The following GFI1 variants were observed in gnomAD, a reference collection of about 807,000 sequenced individuals.
The protein encoded by GFI1 is zinc finger protein Gfi-1.
In GFI1, 15 loss-of-function variants were observed where a neutral mutation model predicts 39.2. The ratio of observed to expected loss-of-function variants is 0.38; its 90% CI spans 0.26 to 0.59. GFI1 has a LOEUF of 0.59. GFI1 is among the 20% of genes least tolerant of loss of function. GFI1 has a pLI of 0.62. For synonymous variants in GFI1, 239 were observed against 254.3 expected (o/e 0.94, Z 0.57); for missense variants, 475 against 574.0 (o/e 0.83, Z 1.76).
At position 92,483,170 on chromosome 1, in the gene GFI1, C is replaced by T. The variant is rs973722626; in HGVS notation, c.116-124G>A. The T allele has an allele frequency of 1.5e-4, 142 of 950,832 alleles. 2 individuals are homozygous for T. In the Admixed American group the frequency reaches 3.6e-3, roughly 24 times the overall value. The allele number at this position is 950,832 out of a possible 1,614,324, so 58.9% of individuals were successfully genotyped here. ...TTCCCCTCTCCACCCAGACCCCGGC[C>T]GGGAACCCTCTCGGATCCGAGGGCA... On this transcript the variant is annotated intron_variant, in intron 2 of 6. Transcript: ENST00000294702.
At chr1:92,478,470 C>A in intron 6 of GFI1, 118 bp downstream of exon 6, 1 of 865,708 alleles carries the variant, frequency 1.2e-6, no homozygotes, top group South Asian at 1.4e-5. Context: ...TAACACAGAG[C>A]AGAGAATAAC....
At position 92,484,148 on chromosome 1, in the gene GFI1, G is replaced by A. The variant is rs932457490; in HGVS notation, c.-99-562C>T. 1.3e-5 allele frequency among the ~76,000 whole-genome samples: 2 copies of A among 152,220 alleles called. No homozygotes were observed. The highest frequency in any genetic ancestry group is 2.4e-5 in the African/African-American group (1 of 41,448). ...AACAGAACACAAGATAAAACTGTGG[G>A]GCGGCGGGAGGACAGCAGCAGAGGG... is the stretch of plus-strand genomic sequence containing the variant. On this transcript the variant is annotated intron_variant, in intron 1 of 6. Coordinates refer to ENST00000294702, the MANE Select transcript of GFI1 (RefSeq NM_005263.5). This position sits in a 1 kb window ranked among gnomAD's most constrained non-coding sequence, Gnocchi z 4.1.
chr1:92,478,820 A>G, intron 5 of GFI1, 67 bp from the exon 6 acceptor site: 1 of 1,579,434 alleles, frequency 6.3e-7, no homozygotes. Flanking sequence ...GCAGTCAACT[A>G]GACTGCTGCT....
Position 92,473,737 on chromosome 1 carries a change from C to A in GFI1, c.*2292G>T, listed in dbSNP as rs1657828656. On this transcript the variant is annotated 3_prime_UTR_variant, in exon 7 of 7. Coordinates refer to ENST00000294702, the MANE Select transcript of GFI1 (RefSeq NM_005263.5). ...TCAAGCAATCTCTCTTCCCTTTGTG[C>A]TGTAGAGAGCAGAGCCAGGCCCTAG... 1.3e-5 allele frequency among the ~76,000 whole-genome samples: 2 copies of A among 152,120 alleles called. No individual in the cohort carries two copies. Among genetic ancestry groups the A allele is most frequent in the Admixed American group, 1.3e-4 (2 of 15,280 alleles).
rs540256601 is a variant in GFI1 at position 92,481,318 on chromosome 1, C to A, written c.299-230G>T. On this transcript the variant is annotated intron_variant, in intron 3 of 6. Coordinates refer to ENST00000294702, the MANE Select transcript of GFI1 (RefSeq NM_005263.5). The surrounding 1 kb of genome is among the most constrained non-coding windows in gnomAD (Gnocchi z 4.3). ...AGTAAACAGATCATTGAAAAGACCTCGGGAGAGGAGGTCGTAAATTCTGTG... is the reference window on the plus strand; with the variant it reads ...AGTAAACAGATCATTGAAAAGACCTAGGGAGAGGAGGTCGTAAATTCTGTG... 6.6e-6 allele frequency among the ~76,000 whole-genome samples: 1 copy of A among 152,318 alleles called. No homozygotes were observed. The highest frequency in any genetic ancestry group is 2.4e-5 in the African/African-American group (1 of 41,576).
At position 92,482,564 on chromosome 1, in the gene GFI1, C is replaced by A. The variant is rs939000088; in HGVS notation, c.298+300G>T. 1.3e-5 allele frequency among the ~76,000 whole-genome samples: 2 copies of A among 152,176 alleles called. No individual in the cohort carries two copies. The highest frequency in any genetic ancestry group is 6.5e-5 in the Admixed American group (1 of 15,284). On this transcript the variant is annotated intron_variant, in intron 3 of 6. Transcript: ENST00000294702. This position sits in a 1 kb window ranked among gnomAD's most constrained non-coding sequence, Gnocchi z 4.4. ...GTCTGGTCAGAAAATGAAAGGTCAGCGTTGCCGCCAGTCGAAACGACTGGT... is the reference window on the plus strand; with the variant it reads ...GTCTGGTCAGAAAATGAAAGGTCAGAGTTGCCGCCAGTCGAAACGACTGGT...
intron 6 of GFI1, among the ~76,000 whole-genome samples, chr1:92,477,417 C>G (rs1487279044): frequency 3.9e-5 from 6 of 152,088 alleles, no homozygotes; most frequent in African/African-American, 1.4e-4. Flanking sequence ...ATACATTACC[C>G]AAGTATATTT....
In GFI1 at chr1:92,480,311, G is replaced by A. The variant is rs1388979752; in HGVS notation, c.924+37C>T. The A allele has an allele frequency of 1.3e-6, 2 of 1,539,970 alleles. No homozygotes were observed. The highest frequency in any genetic ancestry group is 2.4e-5 in the East Asian group (1 of 40,860). ...CACCGAGGAGATGCAGAAGATCCCC[G>A]AGCAGGGCCGCGCGCGGCGGTGCGC... On this transcript the variant is annotated intron_variant, in intron 5 of 6. Transcript: ENST00000294702. The surrounding 1 kb of genome is among the most constrained non-coding windows in gnomAD (Gnocchi z 5.6).
At chr1:92,485,692 G>A (rs1658496908) in intron 1 of GFI1, among the ~76,000 whole-genome samples, 1 of 152,010 alleles carries the variant, frequency 6.6e-6, no homozygotes, top group Admixed American at 6.5e-5. Flanking sequence ...AGGAAGGAGG[G>A]AGCCGAGGGC....
rs1398655204 is a variant in GFI1 at position 92,473,330 on chromosome 1, A to C, written c.*2699T>G. 6.6e-6 allele frequency among the ~76,000 whole-genome samples: 1 copy of C among 152,170 alleles called. No homozygotes were observed. Among genetic ancestry groups the C allele is most frequent in the Admixed American group, 6.5e-5 (1 of 15,284 alleles). ...ACCTAGATTTCAATCAGTTCTACTT[A>C]CCCCTCAGTGCAACTTCTTTACTTT... On this transcript the variant is annotated 3_prime_UTR_variant, in exon 7 of 7. Coordinates refer to ENST00000294702, the MANE Select transcript of GFI1 (RefSeq NM_005263.5).
chr1:92,480,603 T>G lies in GFI1; in HGVS notation c.784A>C (p.Lys262Gln). The G allele has an allele frequency of 1.3e-6, 2 of 1,553,702 alleles. No homozygotes were observed. Among genetic ancestry groups the G allele is most frequent in the Non-Finnish European group, 1.7e-6 (2 of 1,154,232 alleles). The part of the protein sequence containing the change: ...GGSYKCIKCS[K>Q]VFSTPHGLEV... ...GGTGGTGAGCTCGGGAGCCTCACCT[T>G]GCTGCACTTGATGCACTTGTAGGAG... is the stretch of plus-strand genomic sequence containing the variant. Residue 262 changes from lysine to glutamine, a missense_variant and splice_region_variant, in exon 4 of 7, where the codon AAG (lysine) becomes CAG (glutamine). By Grantham distance (53) the Lys-to-Gln change is moderately conservative. Coordinates refer to ENST00000294702, the MANE Select transcript of GFI1 (RefSeq NM_005263.5). The surrounding 1 kb of genome is among the most constrained non-coding windows in gnomAD (Gnocchi z 5.6).
rs1657826702 is a variant in GFI1 at position 92,473,672 on chromosome 1, G to GACACAAC, written c.*2356_*2357insGTTGTGT. ...TCAAGCCCCCCTTTCCTGCCAACCT[G>GACACAAC]GAGAGAAAGTCGTGTGGATTCTATT... On this transcript the variant is annotated 3_prime_UTR_variant, in exon 7 of 7. Coordinates refer to ENST00000294702, the MANE Select transcript of GFI1 (RefSeq NM_005263.5). Among the ~76,000 whole-genome samples, 1 of 152,144 alleles carries GACACAAC rather than the reference G, an allele frequency of 6.6e-6. No homozygotes were observed. Among genetic ancestry groups the GACACAAC allele is most frequent in the Admixed American group, 6.6e-5 (1 of 15,264 alleles).
Position 92,483,455 on chromosome 1 carries a change from C to T in GFI1, c.33G>A (p.Lys11=), listed in dbSNP as rs576417597. The T allele has an allele frequency of 5.6e-6, 9 of 1,612,392 alleles. No individual in the cohort carries two copies. The highest frequency in any genetic ancestry group is 4.4e-5 in the South Asian group (4 of 91,004). The change falls in exon 2 of 7, where the codon AAG becomes AAA. Residue 11 remains lysine (K), a synonymous_variant. Transcript: ENST00000294702. ...AGCGCGGCTGGTGGTAGCTGTGAGC[C>T]TTCTTGCTTTTGACGAGAAATGAGC... MPRSFLVKSK[K]AHSYHQPRSP... is the part of the protein sequence containing the mutation.
At position 92,480,724 on chromosome 1, in the gene GFI1, C is replaced by T. The variant is rs1371969941; in HGVS notation, c.663G>A (p.Leu221=). 6.3e-7 allele frequency: 1 copy of T among 1,595,060 alleles called. No homozygotes were observed. Among genetic ancestry groups the T allele is most frequent in the Admixed American group, 1.7e-5 (1 of 59,340 alleles). The stretch of plus-strand genomic sequence containing the variant: ...GCAGCCCGTGGCCACGCTCGGGGTA[C>T]AGCAAGCCCGCCGCTGCCGTGGGCC... The part of the protein sequence containing the change: ...YERPTAAAGL[L]YPERGHGLHA... Residue 221 remains leucine, a synonymous_variant, in exon 4 of 7, where the codon CTG becomes CTA. Transcript: ENST00000294702. This position sits in a 1 kb window ranked among gnomAD's most constrained non-coding sequence, Gnocchi z 5.6.
Position 92,474,439 on chromosome 1 carries a change from TA to T in GFI1, c.*1589del, listed in dbSNP as rs972336641. ...ATTCATCTGGGAGCCTTCAGGCCCCTAAAAAAATATGTTGACATTTTCAGAG... is the reference window on the plus strand; with the variant it reads ...ATTCATCTGGGAGCCTTCAGGCCCCTAAAAAATATGTTGACATTTTCAGAG... On this transcript the variant is annotated 3_prime_UTR_variant, in exon 7 of 7. Transcript: ENST00000294702. 6.6e-6 allele frequency among the ~76,000 whole-genome samples: 1 copy of T among 152,084 alleles called. No individual in the cohort carries two copies. Among genetic ancestry groups the T allele is most frequent in the South Asian group, 2.1e-4 (1 of 4,828 alleles).
At chr1:92,483,183 G>A in intron 2 of GFI1, 137 bp from the exon 3 acceptor site, 2 of 855,916 alleles carry the variant, frequency 2.3e-6, no homozygotes, top group South Asian at 3.4e-5. Context: ...GAACCCTCTC[G>A]GATCCGAGGG....
At chr1:92,476,283 G>T in intron 6 of GFI1, 76 bp from the exon 7 acceptor site, 1 of 1,360,704 alleles carries the variant, frequency 7.3e-7, no homozygotes, top group Non-Finnish European at 1.0e-6. Context: ...TGACCCACAT[G>T]CTCTTGGCAG....
At position 92,481,959 on chromosome 1, in the gene GFI1, A is replaced by ACACACACACAC. The variant is rs142757010; in HGVS notation, c.299-872_299-871insGTGTGTGTGTG. Among the ~76,000 whole-genome samples, 95 of 150,794 alleles carry ACACACACACAC rather than the reference A, an allele frequency of 6.3e-4. 1 individual carries two copies. The highest frequency in any genetic ancestry group is 6.3e-4 in the African/African-American group (26 of 40,958). On this transcript the variant is annotated intron_variant, in intron 3 of 6. Transcript: ENST00000294702. The surrounding 1 kb of genome is among the most constrained non-coding windows in gnomAD (Gnocchi z 4.3). Reference sequence around the variant, plus strand: ...AATGTGTGTGTGTGTGTGTGCGCACAACACTCCAGTTCAGGCTGGCCACTT... The same window carrying ACACACACACAC: ...AATGTGTGTGTGTGTGTGTGCGCACACACACACACACACACTCCAGTTCAGGCTGGCCACTT...
At position 92,475,877 on chromosome 1, in the gene GFI1, G is replaced by A. The variant is rs572503926; in HGVS notation, c.*152C>T. The stretch of plus-strand genomic sequence containing the variant: ...TTCTGGCAGCTCCAGGAGGTAAGGC[G>A]AAGGAGGAGCAACCTGGTAGGATCT... On this transcript the variant is annotated 3_prime_UTR_variant, in exon 7 of 7. Coordinates refer to ENST00000294702, the MANE Select transcript of GFI1 (RefSeq NM_005263.5). 19 of 714,002 alleles carry A rather than the reference G, an allele frequency of 2.7e-5. No individual in the cohort carries two copies. The Admixed American group carries it at 2.7e-4, about 10-fold the overall frequency. 44.2% of individuals were successfully genotyped at this position (714,002 alleles called of 1,614,324 possible). A position where few individuals can be genotyped will look rare whatever the true frequency, so the allele number is the denominator to read the frequency against.
Sources: allele counts gnomAD v4.1 joint callset (sites outside exome capture counted in the v4.1 genomes callset), GRCh38; gene constraint gnomAD v4.1.1; non-coding constraint Gnocchi (gnomAD v3.1); transcripts MANE v1.5; gene names NCBI Gene and HGNC (gene_info 2026-07-23, HGNC 2026-07-21).